Variants in ZSCAN30 observed in about 807,000 individuals in gnomAD.
ZSCAN30 encodes the protein zinc finger and SCAN domain containing 30.
ZSCAN30 carries 37 observed loss-of-function variants against 44.3 expected under a neutral mutation model. The observed-to-expected ratio is 0.84, with a 90% CI of 0.64 to 1.10. ZSCAN30 has a LOEUF of 1.10. ZSCAN30 is among the 50% of genes least tolerant of loss of function. The probability of loss-of-function intolerance (pLI) is 0.00; values close to 1 mark genes in which losing one functional copy is unlikely to be tolerated. For synonymous variants in ZSCAN30, 181 were observed against 204.6 expected (o/e 0.88, Z 0.98); for missense variants, 549 against 582.6 (o/e 0.94, Z 0.59).
intron 1 of ZSCAN30, among the ~76,000 whole-genome samples, chr18:35,270,872 G>A (rs749663867): frequency 6.6e-6 from 1 of 152,344 alleles, no homozygotes; most frequent in Admixed American, 6.5e-5. Flanking sequence ...CATGTTCAGA[G>A]TTTCTTTCTT....
Position 35,251,687 on chromosome 18 carries a change from T to A in ZSCAN30, c.*1763A>T, listed in dbSNP as rs916377219. 10 of 152,164 alleles carry A rather than the reference T, an allele frequency of 6.6e-5. No homozygotes were observed. Among genetic ancestry groups the A allele is most frequent in the Non-Finnish European group, 1.3e-4 (9 of 68,080 alleles). The allele number at this position is 152,164 out of a possible 1,614,324, so 9.4% of individuals were successfully genotyped here. On this transcript the variant is annotated 3_prime_UTR_variant, in exon 4 of 4. Transcript: ENST00000333206. ...TAAGTGCCTAGCATTTCCCCTGCACTCTCTCTTGCCACCTTGTGAAGAAGG... is the reference window on the plus strand; with the variant it reads ...TAAGTGCCTAGCATTTCCCCTGCACACTCTCTTGCCACCTTGTGAAGAAGG...
intron 1 of ZSCAN30, chr18:35,289,421 G>A (rs538435315): frequency 5.3e-5 from 8 of 152,142 alleles, no homozygotes; most frequent in Admixed American, 5.2e-4. Context: ...ACTTGGGCTG[G>A]GACAGGAAGC....
intron 1 of ZSCAN30, among the ~76,000 whole-genome samples, chr18:35,270,940 G>T (rs1252474042): frequency 2.0e-5 from 3 of 152,210 alleles, no homozygotes; most frequent in African/African-American, 7.2e-5. Context: ...TTTGCAGTGA[G>T]TGTTAACAAC....
At chr18:35,266,846 T>G (rs1473683237) in intron 1 of ZSCAN30, 1 of 151,908 alleles carries the variant, frequency 6.6e-6, no homozygotes, top group Non-Finnish European at 1.5e-5. Context: ...TTTTGTATTT[T>G]TAGTACAGAC....
chr18:35,288,185 A>G (rs974269711), intron 1 of ZSCAN30, among the ~76,000 whole-genome samples: 14 of 152,232 alleles, frequency 9.2e-5, no homozygotes, highest in Non-Finnish European at 1.9e-4. Flanking sequence ...CAAAGCATAT[A>G]TTTGACAAAA....
chr18:35,277,125 T>G (rs909220387), intron 1 of ZSCAN30, among the ~76,000 whole-genome samples: 2 of 152,182 alleles, frequency 1.3e-5, no homozygotes, highest in Admixed American at 1.3e-4. Flanking sequence ...TTTGGCCAAT[T>G]TCTCCCATTT....
At chr18:35,259,538 C>T (rs1461711811) in intron 3 of ZSCAN30, 2 of 153,096 alleles carry the variant, frequency 1.3e-5, no homozygotes, top group Non-Finnish European at 2.9e-5. Context: ...TGTGTTGTGT[C>T]CTAATCTCCT....
rs772247013 is a variant in ZSCAN30 at position 35,254,167 on chromosome 18, A to G, written c.768T>C (p.His256=). ...TTCTGTTGAAGGTTGCCAGACTGAA[A>G]TGTCTGTCCTGGGAAGGAAGCTGAC... ...KISQLPSQDR[H]FSLATFNRRI... Residue 256 remains histidine (H), a synonymous_variant, in exon 4 of 4, where the codon CAT becomes CAC. Coordinates refer to ENST00000333206, the MANE Select transcript of ZSCAN30 (RefSeq NM_001112734.4). 8 of 1,614,046 alleles carry G rather than the reference A, an allele frequency of 5.0e-6. No homozygotes were observed. The highest frequency in any genetic ancestry group is 6.8e-6 in the Non-Finnish European group (8 of 1,180,010).
At position 35,254,237 on chromosome 18, in the gene ZSCAN30, T is replaced by A. The variant is rs1391630090; in HGVS notation, c.698A>T (p.Asp233Val). The A allele has an allele frequency of 1.9e-6, 3 of 1,614,164 alleles. No homozygotes were observed. In the Admixed American group the frequency reaches 5.0e-5, roughly 27 times the overall value. Residue 233 changes from aspartate (D) to valine (V), a missense_variant, in exon 4 of 4, where the codon GAC (aspartate) becomes GTC (valine). By Grantham distance (152) the Asp-to-Val change is radical. Coordinates refer to ENST00000333206, the MANE Select transcript of ZSCAN30 (RefSeq NM_001112734.4). Reference sequence around the variant, plus strand: ...ATTTCCCTTTTGCTTCTTAGAGTTGTCCAGACCTCCCAAAGCTTCTTCAGC... The same window carrying A: ...ATTTCCCTTTTGCTTCTTAGAGTTGACCAGACCTCCCAAAGCTTCTTCAGC... ...RIAEEALGGL[D>V]NSKKQKGNAA...
At chr18:35,283,837 T>A (rs1469085550) in intron 1 of ZSCAN30, 1 of 152,368 alleles carries the variant, frequency 6.6e-6, no homozygotes, top group African/African-American at 2.4e-5. Flanking sequence ...ATGTTTCAGC[T>A]CTGTTTGTGT....
chr18:35,272,715 A>C (rs2044305111), intron 1 of ZSCAN30, among the ~76,000 whole-genome samples: 1 of 152,218 alleles, frequency 6.6e-6, no homozygotes. Flanking sequence ...TTTTAAGTGT[A>C]CATTTCTGTA....
intron 1 of ZSCAN30, chr18:35,282,362 A>T (rs1769443958): frequency 6.6e-6 from 1 of 152,202 alleles, no homozygotes; most frequent in African/African-American, 2.4e-5. Context: ...TGAAAGCACA[A>T]CTTCATTGTT....
At chr18:35,263,242 T>TAAAA in intron 3 of ZSCAN30, 2 of 277,402 alleles carry the variant, frequency 7.2e-6, no homozygotes, top group Non-Finnish European at 1.3e-5. Context: ...AGACCCCATC[T>TAAAA]AAAAAAAAAA....
intron 1 of ZSCAN30, among the ~76,000 whole-genome samples, chr18:35,265,331 T>A (rs1316762821): frequency 6.6e-6 from 1 of 152,190 alleles, no homozygotes; most frequent in Non-Finnish European, 1.5e-5. Context: ...CCAAGCACTT[T>A]ACAAATACTA....
chr18:35,258,017 A>G (rs1416043068), intron 3 of ZSCAN30: 8 of 780,582 alleles, frequency 1.0e-5, no homozygotes, highest in Non-Finnish European at 1.9e-5. Flanking sequence ...TCATGAGGCT[A>G]GTGAAGCACC....
At chr18:35,261,895 C>T (rs1309092860) in intron 3 of ZSCAN30, 1 of 152,122 alleles carries the variant, frequency 6.6e-6, no homozygotes, top group Non-Finnish European at 1.5e-5. Context: ...AATGTAGCAC[C>T]TGCTTGGTGC....
At chr18:35,274,607 G>A (rs1245482850) in intron 1 of ZSCAN30, among the ~76,000 whole-genome samples, 2 of 152,084 alleles carry the variant, frequency 1.3e-5, no homozygotes, top group African/African-American at 4.8e-5. Context: ...CTAGTCCTAT[G>A]AGGCTATCAA....
At chr18:35,271,355 G>A (rs1014195052) in intron 1 of ZSCAN30, among the ~76,000 whole-genome samples, 3 of 152,146 alleles carry the variant, frequency 2.0e-5, no homozygotes, top group African/African-American at 4.8e-5. Context: ...GTGCTGATTG[G>A]TGTATTTACA....
chr18:35,269,924 C>T (rs1043133264), intron 1 of ZSCAN30: 1 of 151,716 alleles, frequency 6.6e-6, no homozygotes, highest in Non-Finnish European at 1.5e-5. Flanking sequence ...TCAATTTGTT[C>T]ATTCCCTTAA....
Sources: allele counts gnomAD v4.1 joint callset (sites outside exome capture counted in the v4.1 genomes callset), GRCh38; gene constraint gnomAD v4.1.1; transcripts MANE v1.5; gene names NCBI Gene and HGNC (gene_info 2026-07-23, HGNC 2026-07-21).